Variants in CDH18 observed in about 807,000 individuals in gnomAD.
CDH18 encodes the protein cadherin 18, also known as cadherin-18.
CDH18 carries 31 observed loss-of-function variants against 67.9 expected under a neutral mutation model. That is an observed-to-expected ratio of 0.46 (90% confidence interval 0.34 to 0.62). CDH18 has a LOEUF of 0.62. CDH18 is among the 20% of genes least tolerant of loss of function. The probability of loss-of-function intolerance (pLI) is 0.01; values close to 1 mark genes in which losing one functional copy is unlikely to be tolerated. For missense variants in CDH18, 890 were observed against 975.5 expected (o/e 0.91, Z 1.17); for synonymous variants, 362 against 347.2 (o/e 1.04, Z -0.48).
At chr5:19,835,530 G>T (rs145466873) in intron 3 of CDH18, among the ~76,000 whole-genome samples, 136 of 151,890 alleles carry the variant, frequency 9.0e-4, no homozygotes, top group East Asian at 2.7e-3. Context: ...AAAATAATTG[G>T]TTCACTATGA....
At chr5:20,192,435 T>C (rs1738619724) in intron 2 of CDH18, among the ~76,000 whole-genome samples, 2 of 152,170 alleles carry the variant, frequency 1.3e-5, no homozygotes, top group Admixed American at 1.3e-4. Flanking sequence ...AATGCTTATG[T>C]CCTGAATGGT....
chr5:20,108,576 C>T (rs1273702712), intron 2 of CDH18, among the ~76,000 whole-genome samples: 2 of 152,040 alleles, frequency 1.3e-5, no homozygotes, highest in African/African-American at 4.8e-5. Context: ...ACTCATCCCT[C>T]CACCCACATC....
At chr5:19,677,009 G>A (rs554733196) in intron 5 of CDH18, among the ~76,000 whole-genome samples, 4 of 152,144 alleles carry the variant, frequency 2.6e-5, no homozygotes, top group African/African-American at 9.6e-5. Context: ...TAAAAAATCT[G>A]AGGAGGCAAG....
rs1368859375 is a variant in CDH18, at chr5:20,532,904, T to C, written c.-580+42558A>G. Among the ~76,000 whole-genome samples the C allele has an allele frequency of 2.0e-5, 3 of 151,662 alleles. 1 individual carries two copies. The highest frequency in any genetic ancestry group is 4.4e-5 in the Non-Finnish European group (3 of 67,892). ...TTGTTTCATAAACTCTTTTTTTTTT[T>C]CACTAAAAACCTGAAACTCCCTCGT... On this transcript the variant is annotated intron_variant, in intron 1 of 14. Transcript: ENST00000507958.
chr5:20,169,255 T>C (rs1293567664), intron 2 of CDH18, among the ~76,000 whole-genome samples: 2 of 152,050 alleles, frequency 1.3e-5, no homozygotes, highest in Non-Finnish European at 2.9e-5. Context: ...CCCATAAATA[T>C]ATACACCTAT....
At chr5:20,254,359 G>GA (rs1744074668) in intron 2 of CDH18, among the ~76,000 whole-genome samples, 1 of 152,106 alleles carries the variant, frequency 6.6e-6, no homozygotes, top group Non-Finnish European at 1.5e-5. Flanking sequence ...TGATCAGCCT[G>GA]CCTCATCCTC....
intron 1 of CDH18, among the ~76,000 whole-genome samples, chr5:19,986,181 T>C (rs1799534979): frequency 6.6e-6 from 1 of 152,226 alleles, no homozygotes; most frequent in South Asian, 2.1e-4. Flanking sequence ...AAGTCCACTA[T>C]ATCTATTTGA....
At chr5:20,174,830 G>T (rs1158172191) in intron 2 of CDH18, among the ~76,000 whole-genome samples, 1 of 152,072 alleles carries the variant, frequency 6.6e-6, no homozygotes, top group East Asian at 1.9e-4. Context: ...TGAGTGATAA[G>T]CTTAGAGACG....
chr5:20,154,538 C>T (rs974563195), intron 2 of CDH18, among the ~76,000 whole-genome samples: 1 of 152,004 alleles, frequency 6.6e-6, no homozygotes, highest in Non-Finnish European at 1.5e-5. Context: ...AACATTTAAT[C>T]CATTTGAAAA....
intron 5 of CDH18, among the ~76,000 whole-genome samples, chr5:19,655,834 A>G (rs1335738328): frequency 6.6e-6 from 1 of 152,124 alleles, no homozygotes; most frequent in Non-Finnish European, 1.5e-5. Flanking sequence ...TCATCCTTAG[A>G]AAGCACTCTC....
chr5:19,922,362 T>C (rs1448421114), intron 2 of CDH18, among the ~76,000 whole-genome samples: 1 of 152,170 alleles, frequency 6.6e-6, no homozygotes, highest in Admixed American at 6.5e-5. Context: ...TACAAAATGG[T>C]GCTTTTGAAA....
chr5:19,489,287 G>A (rs111700802), intron 11 of CDH18, among the ~76,000 whole-genome samples: 5,061 of 133,686 alleles, frequency 0.038, 146 homozygotes, highest in Admixed American at 0.11. Flanking sequence ...TCTCTCTGTC[G>A]CCCAGGCTGG....
intron 10 of CDH18, among the ~76,000 whole-genome samples, chr5:19,511,833 T>G (rs749208002): frequency 5.9e-5 from 9 of 152,098 alleles, no homozygotes; most frequent in Admixed American, 2.6e-4. Context: ...GACAATGAAA[T>G]AAAAAAGACA....
rs1177442293 is a variant in CDH18, at chr5:19,660,582, T to C, written c.644-47981A>G. 3.3e-5 allele frequency among the ~76,000 whole-genome samples: 5 copies of C among 152,290 alleles called. No individual in the cohort carries two copies. The East Asian group carries it at 9.6e-4, about 29-fold the overall frequency. On this transcript the variant is annotated intron_variant, in intron 5 of 12. Coordinates refer to ENST00000382275, the MANE Select transcript of CDH18 (RefSeq NM_004934.5). The stretch of plus-strand genomic sequence containing the variant: ...GCTTAAATGTGTAATAAATTGCATA[T>C]ACATTTCGGGCTGTACTATAAGCTC...
rs542646136 is a variant in CDH18 at position 19,668,405 on chromosome 5, T to C, written c.643+52942A>G. On this transcript the variant is annotated intron_variant, in intron 5 of 12. Transcript: ENST00000382275. ...CATTAAAAAACAAATAAGATGATAA[T>C]AAACATCCGCTTATATTAAAAGTTT... Among the ~76,000 whole-genome samples the C allele has an allele frequency of 3.1e-4, 47 of 152,108 alleles. 1 individual carries two copies. In the South Asian group the frequency reaches 9.3e-3, roughly 30 times the overall value.
At chr5:19,606,068 C>G (rs550616121) in intron 6 of CDH18, among the ~76,000 whole-genome samples, 58 of 151,948 alleles carry the variant, frequency 3.8e-4, no homozygotes, top group African/African-American at 1.4e-3. Flanking sequence ...TTGGTAAACA[C>G]TTGAGACCAG....
intron 5 of CDH18, among the ~76,000 whole-genome samples, chr5:19,683,890 C>T (rs1760691198): frequency 6.6e-6 from 1 of 152,112 alleles, no homozygotes; most frequent in Non-Finnish European, 1.5e-5. Context: ...ATGCAGATTT[C>T]TTAGGCAGTG....
intron 2 of CDH18, among the ~76,000 whole-genome samples, chr5:20,019,591 C>G (rs1053987064): frequency 6.6e-6 from 1 of 152,194 alleles, no homozygotes; most frequent in African/African-American, 2.4e-5. Flanking sequence ...CCATATACAG[C>G]ATACCTGCTT....
At chr5:20,516,733 G>GGTTTGT (rs1561085672) in intron 1 of CDH18, among the ~76,000 whole-genome samples, 4 of 151,860 alleles carry the variant, frequency 2.6e-5, no homozygotes, top group African/African-American at 9.6e-5. Context: ...CTAAGACTAT[G>GGTTTGT]ATTTGTATGA....
Sources: allele counts gnomAD v4.1 joint callset (sites outside exome capture counted in the v4.1 genomes callset), GRCh38; gene constraint gnomAD v4.1.1; transcripts MANE v1.5; gene names NCBI Gene and HGNC (gene_info 2026-07-23, HGNC 2026-07-21).